CORO7: variants seen among roughly 807,000 people sequenced by gnomAD.
CORO7 encodes coronin-7.
Under a neutral mutation model 126.6 loss-of-function variants are expected in CORO7, and 107 were observed. The ratio of observed to expected loss-of-function variants is 0.85; its 90% confidence interval spans 0.72 to 0.99. The LOEUF (loss-of-function observed/expected upper bound fraction) is 0.99, where lower values mean the gene tolerates loss of function less well. Among genes scored for constraint, CORO7 ranks in the 50% least tolerant of loss-of-function variants. The probability of loss-of-function intolerance (pLI) is 0.00; values close to 1 mark genes in which losing one functional copy is unlikely to be tolerated. For missense variants in CORO7, 1,314 were observed against 1,255.8 expected (o/e 1.05, Z -0.70); for synonymous variants, 603 against 536.8 (o/e 1.12, Z -1.70).
chr16:4,415,449 T>C (rs557899563), intron 1 of CORO7, among the ~76,000 whole-genome samples: 1 of 152,234 alleles, frequency 6.6e-6, no homozygotes, highest in South Asian at 2.1e-4. Flanking sequence ...TTCAATGTCG[T>C]TATGAAAACC....
chr16:4,359,409 G>A (rs1320079017), intron 22 of CORO7, 24 bp from the exon 23 acceptor site: 4 of 1,613,372 alleles, frequency 2.5e-6, no homozygotes, highest in African/African-American at 2.7e-5. Context: ...GGCAGGCTGG[G>A]AACCCTCCGG....
At chr16:4,368,665 T>A (rs2054422400) in intron 9 of CORO7, among the ~76,000 whole-genome samples, 2 of 151,030 alleles carry the variant, frequency 1.3e-5, no homozygotes. Context: ...GGAGAATCAC[T>A]TGAACCCGGG....
At chr16:4,381,788 G>T in intron 9 of CORO7, 1 of 1,600,398 alleles carries the variant, frequency 6.2e-7, no homozygotes, top group Non-Finnish European at 8.5e-7. Context: ...AACTGCGTGT[G>T]CCCCCTGAGC....
intron 24 of CORO7, 118 bp from the exon 25 acceptor site, chr16:4,358,221 T>G: frequency 1.3e-6 from 2 of 1,536,588 alleles, no homozygotes; most frequent in East Asian, 2.3e-5. Context: ...GGGGCTTCCA[T>G]GAGTTTCAGC....
chr16:4,415,038 C>A (rs1045849808), intron 1 of CORO7, among the ~76,000 whole-genome samples: 7 of 151,502 alleles, frequency 4.6e-5, no homozygotes, highest in Admixed American at 3.9e-4. Context: ...ATTTTTTTTT[C>A]TTTAACTTGT....
At position 4,359,390 on chromosome 16, in the gene CORO7, G is replaced by A. The variant is rs529198905; in HGVS notation, c.2251-5C>T. 37 of 1,613,586 alleles carry A rather than the reference G, an allele frequency of 2.3e-5. No homozygotes were observed. In the Admixed American group the frequency reaches 2.3e-4, roughly 10 times the overall value. On this transcript the variant is annotated splice_polypyrimidine_tract_variant and splice_region_variant and intron_variant, in intron 22 of 27. Coordinates refer to ENST00000251166, the MANE Select transcript of CORO7 (RefSeq NM_024535.5). ...CAGGAATACACGGGTGTCGCCCTGCGGGGAAGAAGGCAGGCTGGGAACCCT... is the reference window on the plus strand; with the variant it reads ...CAGGAATACACGGGTGTCGCCCTGCAGGGAAGAAGGCAGGCTGGGAACCCT...
At position 4,405,550 on chromosome 16, in the gene CORO7, C is replaced by T; in HGVS notation, c.505G>A (p.Asp169Asn). The T allele has an allele frequency of 6.2e-7, 1 of 1,612,852 alleles. No homozygotes were observed. Among genetic ancestry groups the T allele is most frequent in the South Asian group, 1.1e-5 (1 of 91,076 alleles). ...CTCCAGACGGCGCTCTGCACCAGGT[C>T]CCCATGGGCTGCCAGCTCTGCAGAG... ...QPLTELAAHG[D>N]LVQSAVWSRD... Residue 169 changes from aspartate to asparagine, a missense_variant, in exon 6 of 28, where the codon GAC becomes AAC. By Grantham distance (23) the Asp-to-Asn change is conservative. Transcript: ENST00000251166.
At position 4,358,492 on chromosome 16, in the gene CORO7, G is replaced by A. The variant is rs2054054733; in HGVS notation, c.2341-9C>T. The stretch of plus-strand genomic sequence containing the variant: ...GGCAGGAGGACGAGGCCCTGGGGGA[G>A]CAAGGGAGTCGGAGCTGCCGCTGGG... On this transcript the variant is annotated splice_polypyrimidine_tract_variant and intron_variant, in intron 23 of 27. Transcript: ENST00000251166. 6.3e-7 allele frequency: 1 copy of A among 1,580,872 alleles called. No homozygotes were observed.
At chr16:4,407,812 G>A (rs747686546) in intron 4 of CORO7, 128 bp from the exon 5 acceptor site, 140 of 1,224,678 alleles carry the variant, frequency 1.1e-4, no homozygotes, top group Non-Finnish European at 1.4e-4. Context: ...CTTGGCCTTG[G>A]GAGGAGCGCC....
intron 9 of CORO7, chr16:4,380,975 CACAG>C (rs748627844): frequency 1.9e-6 from 3 of 1,607,468 alleles, no homozygotes; most frequent in Non-Finnish European, 1.7e-6. Context: ...TGCAGCCAGC[CACAG>C]ACAGTCTTCT....
chr16:4,390,281 T>C lies in CORO7; in HGVS notation c.616-1650A>G, dbSNP rs75702345. Among the ~76,000 whole-genome samples the C allele has an allele frequency of 3.2e-3, 489 of 152,152 alleles. 6 individuals are homozygous for C. Among genetic ancestry groups the C allele is most frequent in the African/African-American group, 0.011 (466 of 41,508 alleles). ...CAGTTTCCATGTCTGTAAAAAGCAC[T>C]GTAACAGAATTTACTTTTTTTTTTT... On this transcript the variant is annotated intron_variant, in intron 7 of 27. Transcript: ENST00000251166.
chr16:4,360,309 C>T lies in CORO7; in HGVS notation c.2077G>A (p.Gly693Ser). ...AAGCCAGACACCAGCAGACAGCGAC[C>T]ATCACATACCCAGACAATGCGAGCT... ...RGARIVWVCD[G>S]RCLLVSGFDS... Residue 693 changes from glycine to serine, a missense_variant, in exon 21 of 28, where the codon GGT becomes AGT. Coordinates refer to ENST00000251166, the MANE Select transcript of CORO7 (RefSeq NM_024535.5). The T allele has an allele frequency of 1.2e-6, 2 of 1,613,690 alleles. No individual in the cohort carries two copies. The highest frequency in any genetic ancestry group is 1.7e-6 in the Non-Finnish European group (2 of 1,180,012).
At chr16:4,394,501 T>C (rs1464528730) in intron 7 of CORO7, among the ~76,000 whole-genome samples, 1 of 148,162 alleles carries the variant, frequency 6.7e-6, no homozygotes, top group Non-Finnish European at 1.5e-5. Context: ...CAGGTAACCA[T>C]GGGCCCGTAT....
At chr16:4,392,017 G>T (rs1309757342) in intron 7 of CORO7, among the ~76,000 whole-genome samples, 2 of 152,160 alleles carry the variant, frequency 1.3e-5, no homozygotes, top group Non-Finnish European at 2.9e-5. Flanking sequence ...GCTCCTTGCT[G>T]GGGTGAGGGG....
At chr16:4,355,680 AG>A (rs2053956799) in intron 26 of CORO7, 1 of 305,792 alleles carries the variant, frequency 3.3e-6, no homozygotes, top group East Asian at 6.4e-5. Flanking sequence ...CGTGTTAGCC[AG>A]GATGGTCTCG....
At chr16:4,391,998 G>C (rs1383826884) in intron 7 of CORO7, among the ~76,000 whole-genome samples, 1 of 152,206 alleles carries the variant, frequency 6.6e-6, no homozygotes, top group African/African-American at 2.4e-5. Context: ...GGTTCCAGGA[G>C]CAGCCCTGGC....
intron 7 of CORO7, among the ~76,000 whole-genome samples, chr16:4,389,743 G>T (rs2055321706): frequency 6.6e-6 from 1 of 152,262 alleles, no homozygotes; most frequent in Non-Finnish European, 1.5e-5. Flanking sequence ...CCATTGGCCA[G>T]CCCTGCCCTC....
rs548954612 is a variant in CORO7 at position 4,354,747 on chromosome 16, C to T, written c.*411G>A. On this transcript the variant is annotated 3_prime_UTR_variant, in exon 28 of 28. Transcript: ENST00000251166. ...CCTGGTGGGGGGCCAGCCCCCAAGG[C>T]CCTTGACCAGAACTGGAACAGCAGG... The T allele has an allele frequency of 9.3e-6, 2 of 214,190 alleles. No individual in the cohort carries two copies. Among genetic ancestry groups the T allele is most frequent in the Non-Finnish European group, 1.8e-5 (2 of 108,532 alleles). The allele number at this position is 214,190 out of a possible 1,614,324, so 13.3% of individuals were successfully genotyped here. A position where few individuals can be genotyped will look rare whatever the true frequency, so the allele number is the denominator to read the frequency against.
intron 9 of CORO7, chr16:4,382,059 C>T (rs745457547): frequency 2.1e-5 from 33 of 1,590,194 alleles, no homozygotes; most frequent in Non-Finnish European, 2.5e-5. Flanking sequence ...GCCCGCCCTC[C>T]ACTGCCCCAC....
Sources: gnomAD v4.1 joint callset for allele counts (sites outside exome capture counted in the v4.1 genomes callset) on GRCh38, gnomAD v4.1.1 for gene constraint, MANE v1.5 for transcripts, NCBI Gene and HGNC (gene_info 2026-07-23, HGNC 2026-07-21) for gene names.